The following MEIOSIN variants were observed in gnomAD, a reference collection of about 807,000 sequenced individuals.
The protein encoded by MEIOSIN is meiosis initiator protein.
A neutral mutation model predicts 23.4 loss-of-function variants in MEIOSIN; 18 were observed. The ratio of observed to expected loss-of-function variants is 0.77; its 90% CI spans 0.53 to 1.14. The LOEUF (loss-of-function observed/expected upper bound fraction) is 1.14. Ranked by LOEUF, MEIOSIN falls within the 50% of genes most tolerant of loss-of-function variation. The pLI, the probability that MEIOSIN is intolerant of heterozygous loss-of-function variation, is 0.00. For missense variants in MEIOSIN, 428 were observed against 242.9 expected (o/e 1.76, Z -5.07); for synonymous variants, 187 against 100.6 (o/e 1.86, Z -5.14).
rs1210271718 is a variant in MEIOSIN at position 45,749,401 on chromosome 19, C to T, written c.307-1274C>T. The stretch of plus-strand genomic sequence containing the variant: ...AAAAAAAAAAAAAAAAAAGGCCGAG[C>T]GCAGTGGCTCACGCCTGTAATCCCA... On this transcript the variant is annotated intron_variant, in intron 4 of 14. Coordinates refer to ENST00000457052, the MANE Select transcript of MEIOSIN (RefSeq NM_001310124.2). Among the ~76,000 whole-genome samples the T allele has an allele frequency of 3.6e-5, 5 of 137,812 alleles. No individual in the cohort carries two copies. The East Asian group carries it at 8.7e-4, about 24-fold the overall frequency. 90.4% of individuals were successfully genotyped at this position (137,812 alleles called of 152,430 possible).
chr19:45,738,575 C>T (rs778526218), intron 2 of MEIOSIN, among the ~76,000 whole-genome samples: 1 of 152,160 alleles, frequency 6.6e-6, no homozygotes, highest in Admixed American at 6.5e-5. Flanking sequence ...GCCAAGATCG[C>T]GCCGCTGCGC....
rs1257421084 is a variant in MEIOSIN, at chr19:45,762,052, G to A, written c.1548G>A (p.Thr516=). The part of the protein sequence containing the change: ...SPLLAAEKKA[T]KGQVARAPVK... ...TGCTGGCAGCTGAGAAAAAGGCCAC[G>A]AAGGGCCAAGTAGCCAGGGCCCCTG... is the stretch of plus-strand genomic sequence containing the variant. Residue 516 remains threonine, a synonymous_variant, in exon 13 of 15, where the codon ACG becomes ACA. Transcript: ENST00000457052. The A allele has an allele frequency of 2.1e-5, 10 of 486,052 alleles. No individual in the cohort carries two copies. Among genetic ancestry groups the A allele is most frequent in the Middle Eastern group, 5.2e-4 (1 of 1,934 alleles). The allele number at this position is 486,052 out of a possible 1,614,324, so 30.1% of individuals were successfully genotyped here.
chr19:45,758,705 A>G (rs1968883286), intron 9 of MEIOSIN, among the ~76,000 whole-genome samples, 173 bp from the exon 10 acceptor site: 1 of 152,258 alleles, frequency 6.6e-6, no homozygotes, highest in Non-Finnish European at 1.5e-5. Flanking sequence ...GCTGGGTTAC[A>G]GGCGTGAGCC....
intron 11 of MEIOSIN, among the ~76,000 whole-genome samples, 181 bp from the exon 12 acceptor site, chr19:45,761,498 G>A (rs1367169764): frequency 6.9e-6 from 1 of 144,606 alleles, no homozygotes; most frequent in East Asian, 2.0e-4. Context: ...TGTAACTCCT[G>A]GCCTCAAGCA....
intron 10 of MEIOSIN, among the ~76,000 whole-genome samples, 159 bp downstream of exon 10, chr19:45,759,192 G>T (rs1388652857): frequency 6.6e-6 from 1 of 152,246 alleles, no homozygotes; most frequent in East Asian, 1.9e-4. Context: ...CTGGTGTGGT[G>T]CATGGGTGGC....
At chr19:45,759,384 T>C in intron 10 of MEIOSIN, 30 bp from the exon 11 acceptor site, 1 of 702,888 alleles carries the variant, frequency 1.4e-6, no homozygotes, top group South Asian at 1.5e-5. Context: ...GCATTTCCAC[T>C]CTGGCTGCCC....
At chr19:45,742,927 G>A (rs557700532) in intron 3 of MEIOSIN, among the ~76,000 whole-genome samples, 2 of 152,318 alleles carry the variant, frequency 1.3e-5, no homozygotes, top group Admixed American at 6.5e-5. Flanking sequence ...GAGCTGACCT[G>A]TTCCCTGAAA....
At chr19:45,754,446 G>T (rs1207744953) in intron 6 of MEIOSIN, 33 bp from the exon 7 acceptor site, 2 of 690,734 alleles carry the variant, frequency 2.9e-6, no homozygotes, top group Admixed American at 2.0e-5. Flanking sequence ...TGACTCCCAG[G>T]CCCCTCTGAC....
chr19:45,749,875 G>A (rs1221711777), intron 4 of MEIOSIN, among the ~76,000 whole-genome samples: 2 of 150,818 alleles, frequency 1.3e-5, no homozygotes, highest in Non-Finnish European at 3.0e-5. Context: ...CTGGTGGCAC[G>A]CACCTCTAGT....
intron 11 of MEIOSIN, among the ~76,000 whole-genome samples, chr19:45,761,423 ATTTTTTTTT>A (rs35838022): frequency 1.1e-3 from 67 of 59,834 alleles, no homozygotes; most frequent in African/African-American, 4.2e-3. Context: ...CGCCTGGCCT[ATTTTTTTTT>A]TTTTTTTTTT....
At chr19:45,745,109 G>A in intron 3 of MEIOSIN, 83 bp from the exon 4 acceptor site, 2 of 692,338 alleles carry the variant, frequency 2.9e-6, no homozygotes, top group South Asian at 3.0e-5. Flanking sequence ...CCTAAAATGA[G>A]TAACACAGAC....
At chr19:45,761,124 A>C (rs1435641887) in intron 11 of MEIOSIN, among the ~76,000 whole-genome samples, 2 of 121,946 alleles carry the variant, frequency 1.6e-5, no homozygotes, top group Non-Finnish European at 1.7e-5. Context: ...AACTTAATTC[A>C]ATTTCTTTTT....
intron 3 of MEIOSIN, among the ~76,000 whole-genome samples, chr19:45,742,596 G>A (rs1968524767): frequency 6.6e-6 from 1 of 151,894 alleles, no homozygotes; most frequent in African/African-American, 2.4e-5. Context: ...TGGCTAACAC[G>A]ATGAAACCCC....
chr19:45,755,557 A>G (rs988765193), intron 7 of MEIOSIN, among the ~76,000 whole-genome samples: 14 of 151,962 alleles, frequency 9.2e-5, no homozygotes, highest in Admixed American at 3.3e-4. Context: ...GGTTCAAACA[A>G]TTCTCTGCCT....
chr19:45,752,537 G>A (rs150750197), intron 5 of MEIOSIN, among the ~76,000 whole-genome samples: 1 of 151,886 alleles, frequency 6.6e-6, no homozygotes, highest in Non-Finnish European at 1.5e-5. Context: ...TTTTTTTGTA[G>A]AGACAGAGTC....
chr19:45,758,493 G>T (rs1007307505), intron 9 of MEIOSIN, among the ~76,000 whole-genome samples: 11 of 151,666 alleles, frequency 7.3e-5, no homozygotes, highest in African/African-American at 2.4e-4. Context: ...GCAGTGGCAC[G>T]ATCTCGGCTC....
chr19:45,741,821 G>A (rs116770490), intron 3 of MEIOSIN, among the ~76,000 whole-genome samples: 5,013 of 151,032 alleles, frequency 0.033, 289 homozygotes, highest in African/African-American at 0.11. Context: ...TAGAGAGACC[G>A]CGTCTCCAAA....
At chr19:45,743,725 T>C (rs987819301) in intron 3 of MEIOSIN, among the ~76,000 whole-genome samples, 3 of 152,210 alleles carry the variant, frequency 2.0e-5, no homozygotes, top group Admixed American at 6.5e-5. Flanking sequence ...TTTCGCCATG[T>C]TGGCCAGGCT....
chr19:45,743,061 G>T, intron 3 of MEIOSIN, among the ~76,000 whole-genome samples: 1 of 152,158 alleles, frequency 6.6e-6, no homozygotes, highest in East Asian at 1.9e-4. Context: ...CATGGCTTCT[G>T]GAGGGCCCTG....
Sources: allele counts gnomAD v4.1 joint callset (sites outside exome capture counted in the v4.1 genomes callset), GRCh38; gene constraint gnomAD v4.1.1; transcripts MANE v1.5; gene names NCBI Gene and HGNC (gene_info 2026-07-23, HGNC 2026-07-21).